Variants in TMEM108 observed in about 807,000 individuals in gnomAD.
TMEM108 encodes cancer/testis antigen 124.
A neutral mutation model predicts 35.1 loss-of-function variants in TMEM108; 12 were observed. The ratio of observed to expected loss-of-function variants is 0.34; its 90% CI spans 0.22 to 0.55. The LOEUF (loss-of-function observed/expected upper bound fraction) is 0.55, where lower values mean the gene tolerates loss of function less well. Ranked by LOEUF, TMEM108 falls within the 20% of genes least tolerant of loss-of-function variation. The pLI is 0.89. For missense variants in TMEM108, 680 were observed against 753.3 expected (o/e 0.90, Z 1.14); for synonymous variants, 287 against 308.6 (o/e 0.93, Z 0.73).
At chr3:133,234,449 C>T (rs906204065) in intron 3 of TMEM108, among the ~76,000 whole-genome samples, 13 of 152,120 alleles carry the variant, frequency 8.5e-5, no homozygotes, top group Non-Finnish European at 1.3e-4. Context: ...TTTCAATATA[C>T]GCACATCAAT....
At chr3:133,110,266 A>G (rs756318974) in intron 2 of TMEM108, among the ~76,000 whole-genome samples, 10 of 152,190 alleles carry the variant, frequency 6.6e-5, no homozygotes, top group Non-Finnish European at 1.5e-4. Context: ...AGAGAAGGTC[A>G]CCAGGTACAG....
intron 3 of TMEM108, among the ~76,000 whole-genome samples, chr3:133,262,738 G>A (rs74851306): frequency 0.014 from 2,184 of 152,300 alleles, 62 homozygotes; most frequent in African/African-American, 0.05. Flanking sequence ...CCCACTAGGC[G>A]GGGGATGCAC....
chr3:133,055,856 G>T (rs1943459514), intron 2 of TMEM108, among the ~76,000 whole-genome samples: 1 of 152,096 alleles, frequency 6.6e-6, no homozygotes, highest in Admixed American at 6.5e-5. Flanking sequence ...TTTTCCACTG[G>T]AAAGAACTTA....
chr3:133,069,074 G>A (rs1326461240), intron 2 of TMEM108, among the ~76,000 whole-genome samples: 1 of 152,216 alleles, frequency 6.6e-6, no homozygotes, highest in Non-Finnish European at 1.5e-5. Flanking sequence ...GCTGTTGCCA[G>A]GTTGTGAGAG....
intron 3 of TMEM108, among the ~76,000 whole-genome samples, chr3:133,240,388 C>T (rs1946295968): frequency 6.6e-6 from 1 of 152,132 alleles, no homozygotes; most frequent in African/African-American, 2.4e-5. Context: ...CAATTCTCTT[C>T]TGCAGATAAA....
chr3:133,080,200 A>G (rs1576307784), intron 2 of TMEM108, among the ~76,000 whole-genome samples: 1 of 152,176 alleles, frequency 6.6e-6, no homozygotes, highest in African/African-American at 2.4e-5. Flanking sequence ...TATCCCTAAC[A>G]GGGATAATGG....
In TMEM108 at chr3:133,367,037, C is replaced by A. The variant is rs1309987259; in HGVS notation, c.41-12715C>A. Among the ~76,000 whole-genome samples the A allele has an allele frequency of 2.0e-5, 3 of 152,188 alleles. No homozygotes were observed. The East Asian group carries it at 5.8e-4, about 29-fold the overall frequency. Reference sequence around the variant, plus strand: ...TCACTTAGCGCCCTCCCCCTAACAACCTCCACCTGTCAACTTTCATTTAAC... The same window carrying A: ...TCACTTAGCGCCCTCCCCCTAACAAACTCCACCTGTCAACTTTCATTTAAC... On this transcript the variant is annotated intron_variant, in intron 3 of 5. Transcript: ENST00000321871.
chr3:133,139,836 T>C (rs889700469), intron 2 of TMEM108, among the ~76,000 whole-genome samples: 1 of 152,202 alleles, frequency 6.6e-6, no homozygotes, highest in African/African-American at 2.4e-5. Flanking sequence ...TTTCTGATAG[T>C]ACCCTGGGCA....
At chr3:133,163,030 G>A (rs1944983456) in intron 2 of TMEM108, among the ~76,000 whole-genome samples, 1 of 152,188 alleles carries the variant, frequency 6.6e-6, no homozygotes, top group Non-Finnish European at 1.5e-5. Context: ...AGGAATTTGA[G>A]TTTAATGTCT....
At chr3:133,149,425 C>G (rs1944765949) in intron 2 of TMEM108, among the ~76,000 whole-genome samples, 3 of 152,084 alleles carry the variant, frequency 2.0e-5, no homozygotes, top group Admixed American at 2.0e-4. Context: ...TTATAATTAA[C>G]TATAGTTACT....
chr3:133,214,994 G>A (rs1945886060), intron 2 of TMEM108, among the ~76,000 whole-genome samples: 1 of 152,112 alleles, frequency 6.6e-6, no homozygotes, highest in South Asian at 2.1e-4. Context: ...GTGCCAAAAA[G>A]GTTGGGGGCT....
chr3:133,297,566 C>T lies in TMEM108; in HGVS notation c.40+68215C>T, dbSNP rs79815211. ...TGGGGGGAGACTAAAAATGCAGAAT[C>T]CTGGGCCCCACCCCAGAACTGCTAC... On this transcript the variant is annotated intron_variant, in intron 3 of 5. Coordinates refer to ENST00000321871, the MANE Select transcript of TMEM108 (RefSeq NM_023943.4). Among the ~76,000 whole-genome samples the T allele has an allele frequency of 7.7e-3, 1,174 of 152,272 alleles. 25 individuals carry two copies. The highest frequency in any genetic ancestry group is 0.027 in the African/African-American group (1,114 of 41,524).
intron 2 of TMEM108, among the ~76,000 whole-genome samples, chr3:133,191,354 T>A (rs560544598): frequency 1.1e-4 from 17 of 152,334 alleles, no homozygotes; most frequent in Admixed American, 3.9e-4. Context: ...AACTTTCACC[T>A]ATGTTAGTAT....
At chr3:133,359,322 T>A (rs181042624) in intron 3 of TMEM108, among the ~76,000 whole-genome samples, 1 of 152,344 alleles carries the variant, frequency 6.6e-6, no homozygotes, top group East Asian at 1.9e-4. Context: ...ATTATGAATT[T>A]CTAAGAGGTT....
intron 3 of TMEM108, among the ~76,000 whole-genome samples, chr3:133,300,094 C>T (rs894169660): frequency 3.3e-5 from 5 of 152,148 alleles, no homozygotes; most frequent in African/African-American, 9.7e-5. Context: ...CCTTCCCTTA[C>T]TCCATAGCTC....
At chr3:133,246,229 A>G (rs960749877) in intron 3 of TMEM108, 2 of 152,212 alleles carry the variant, frequency 1.3e-5, no homozygotes, top group African/African-American at 4.8e-5. Context: ...CAGTGACTGC[A>G]CAGGTCCATA....
intron 3 of TMEM108, among the ~76,000 whole-genome samples, chr3:133,321,059 T>G (rs1470537128): frequency 6.6e-6 from 1 of 151,984 alleles, no homozygotes; most frequent in East Asian, 1.9e-4. Flanking sequence ...TACACCAAAA[T>G]AGAATCTTCT....
At chr3:133,079,607 G>GATCT (rs1943785214) in intron 2 of TMEM108, among the ~76,000 whole-genome samples, 1 of 152,140 alleles carries the variant, frequency 6.6e-6, no homozygotes, top group Non-Finnish European at 1.5e-5. Context: ...GAGAGTTCAT[G>GATCT]ATCTAATCAT....
chr3:133,148,110 A>G (rs1357243435), intron 2 of TMEM108, among the ~76,000 whole-genome samples: 9 of 152,202 alleles, frequency 5.9e-5, no homozygotes, highest in Admixed American at 4.6e-4. Context: ...AGCTGTATCC[A>G]TGAAGAGCAA....
Sources: gnomAD v4.1 joint callset for allele counts (sites outside exome capture counted in the v4.1 genomes callset) on GRCh38, gnomAD v4.1.1 for gene constraint, MANE v1.5 for transcripts, NCBI Gene and HGNC (gene_info 2026-07-23, HGNC 2026-07-21) for gene names.